OLFM3: variants seen among roughly 807,000 people sequenced by gnomAD.
OLFM3 encodes the protein olfactomedin 3.
OLFM3 carries 20 observed loss-of-function variants against 48.6 expected under a neutral mutation model. The observed-to-expected ratio is 0.41, with a 90% confidence interval of 0.29 to 0.60. OLFM3 has a LOEUF of 0.60. Ranked by LOEUF, OLFM3 falls within the 20% of genes least tolerant of loss-of-function variation. The pLI is 0.28. For synonymous variants in OLFM3, 222 were observed against 198.1 expected (o/e 1.12, Z -1.01); for missense variants, 437 against 544.3 (o/e 0.80, Z 1.96).
At chr1:101,937,629 C>T (rs1659664480) in intron 1 of OLFM3, among the ~76,000 whole-genome samples, 1 of 152,188 alleles carries the variant, frequency 6.6e-6, no homozygotes. Context: ...TTCTGCCATG[C>T]TTTTGAGGCC....
At chr1:101,819,596 G>A (rs1010659192) in intron 4 of OLFM3, among the ~76,000 whole-genome samples, 1 of 152,000 alleles carries the variant, frequency 6.6e-6, no homozygotes, top group Non-Finnish European at 1.5e-5. Flanking sequence ...CGATTGCATG[G>A]CGGTGTGAAG....
intron 4 of OLFM3, among the ~76,000 whole-genome samples, chr1:101,811,545 T>C (rs1351667776): frequency 6.6e-6 from 1 of 152,264 alleles, no homozygotes; most frequent in Non-Finnish European, 1.5e-5. Context: ...CAGACACTTC[T>C]CAAAAGAAGA....
chr1:101,857,423 A>T (rs1656471390), intron 1 of OLFM3, among the ~76,000 whole-genome samples: 1 of 151,962 alleles, frequency 6.6e-6, no homozygotes, highest in African/African-American at 2.4e-5. Flanking sequence ...ATGAGTCATA[A>T]TGTACAGAGC....
chr1:101,931,250 C>A (rs911733671), intron 1 of OLFM3, among the ~76,000 whole-genome samples: 1 of 152,068 alleles, frequency 6.6e-6, no homozygotes, highest in Non-Finnish European at 1.5e-5. Context: ...ATGCATAAGG[C>A]CAAAAAATTG....
chr1:101,832,060 G>A (rs995910633), intron 2 of OLFM3, among the ~76,000 whole-genome samples: 12 of 152,008 alleles, frequency 7.9e-5, no homozygotes, highest in Admixed American at 3.9e-4. Flanking sequence ...ACGCCACTAC[G>A]CCTGGCTAAT....
At chr1:101,811,015 A>G (rs1350429008) in intron 4 of OLFM3, among the ~76,000 whole-genome samples, 1 of 151,846 alleles carries the variant, frequency 6.6e-6, no homozygotes, top group African/African-American at 2.4e-5. Flanking sequence ...TAAAGGAGAA[A>G]ATGTTAGTCT....
At chr1:101,862,815 C>T (rs1432795848) in intron 1 of OLFM3, among the ~76,000 whole-genome samples, 1 of 152,126 alleles carries the variant, frequency 6.6e-6, no homozygotes, top group African/African-American at 2.4e-5. Flanking sequence ...GGAAGCATTT[C>T]AATACATAAA....
intron 1 of OLFM3, among the ~76,000 whole-genome samples, chr1:101,935,347 C>A (rs905660105): frequency 6.6e-6 from 1 of 151,476 alleles, no homozygotes; most frequent in Non-Finnish European, 1.5e-5. Flanking sequence ...ACTGTGAACA[C>A]CTCTATGCAC....
At chr1:101,897,292 A>G (rs940827396) in intron 1 of OLFM3, among the ~76,000 whole-genome samples, 3 of 152,236 alleles carry the variant, frequency 2.0e-5, no homozygotes, top group African/African-American at 4.8e-5. Flanking sequence ...TACCATTACT[A>G]ACACAAGACA....
At chr1:101,812,710 G>A (rs755498144) in intron 4 of OLFM3, 98 of 986,404 alleles carry the variant, frequency 9.9e-5, no homozygotes, top group Non-Finnish European at 1.2e-4. Flanking sequence ...AGGTTGTTTC[G>A]GCCAAAACTT....
intron 1 of OLFM3, among the ~76,000 whole-genome samples, chr1:101,912,902 T>C (rs542836519): frequency 1.1e-3 from 165 of 152,146 alleles, no homozygotes; most frequent in African/African-American, 3.9e-3. Context: ...TCCTAGGATA[T>C]AAAAAACACA....
At chr1:101,986,921 T>G (rs1661258468) in intron 1 of OLFM3, among the ~76,000 whole-genome samples, 1 of 152,184 alleles carries the variant, frequency 6.6e-6, no homozygotes, top group Non-Finnish European at 1.5e-5. Flanking sequence ...TAAATACATA[T>G]TGACAAATGA....
intron 1 of OLFM3, among the ~76,000 whole-genome samples, chr1:101,934,620 G>A (rs1357151878): frequency 6.6e-6 from 1 of 151,728 alleles, no homozygotes; most frequent in Non-Finnish European, 1.5e-5. Flanking sequence ...GACCAAATAG[G>A]CTTAACAGAC....
At chr1:101,808,992 A>G (rs1468492451) in intron 4 of OLFM3, among the ~76,000 whole-genome samples, 2 of 151,664 alleles carry the variant, frequency 1.3e-5, no homozygotes, top group Non-Finnish European at 2.9e-5. Flanking sequence ...ATATAATTAT[A>G]TTAAAAAATA....
At chr1:101,940,424 A>T (rs1659753779) in intron 1 of OLFM3, among the ~76,000 whole-genome samples, 1 of 147,422 alleles carries the variant, frequency 6.8e-6, no homozygotes, top group Admixed American at 6.8e-5. Context: ...CTAGGCCTTG[A>T]TTTTTTAAAA....
intron 1 of OLFM3, among the ~76,000 whole-genome samples, chr1:101,894,332 G>T (rs1356257351): frequency 1.3e-5 from 2 of 152,046 alleles, no homozygotes; most frequent in East Asian, 3.8e-4. Flanking sequence ...AATACAAAGT[G>T]CTCTATTAGT....
At chr1:101,954,069 T>C (rs1660221264) in intron 1 of OLFM3, among the ~76,000 whole-genome samples, 1 of 152,178 alleles carries the variant, frequency 6.6e-6, no homozygotes, top group Non-Finnish European at 1.5e-5. Context: ...TTACTTGTAG[T>C]ATAGATTCAT....
chr1:101,946,316 T>C (rs1320636949), intron 1 of OLFM3, among the ~76,000 whole-genome samples: 1 of 152,170 alleles, frequency 6.6e-6, no homozygotes, highest in African/African-American at 2.4e-5. Context: ...CATAATTTAT[T>C]TGAGTATCAC....
intron 1 of OLFM3, among the ~76,000 whole-genome samples, chr1:101,931,428 G>A (rs191236738): frequency 7.9e-5 from 12 of 152,268 alleles, no homozygotes; most frequent in Admixed American, 3.3e-4. Flanking sequence ...CTATCCCATG[G>A]TATAGCTGCT....
Sources: gnomAD v4.1 joint callset for allele counts (sites outside exome capture counted in the v4.1 genomes callset) on GRCh38, gnomAD v4.1.1 for gene constraint, MANE v1.5 for transcripts, NCBI Gene and HGNC (gene_info 2026-07-23, HGNC 2026-07-21) for gene names.